Variants in DOCK5 observed in about 807,000 individuals in gnomAD.
The protein encoded by DOCK5 is dedicator of cytokinesis 5.
DOCK5 carries 142 observed loss-of-function variants against 251.8 expected under a neutral mutation model. The ratio of observed to expected loss-of-function variants is 0.56; its 90% CI spans 0.49 to 0.65. The LOEUF is 0.65. DOCK5 is among the 30% of genes least tolerant of loss of function. The pLI, the probability that DOCK5 is intolerant of heterozygous loss-of-function variation, is 0.00. For missense variants in DOCK5, 2,111 were observed against 2,312.3 expected, an observed-to-expected ratio of 0.91 and a Z score of 1.79; for synonymous variants, 842 against 835.5, an observed-to-expected ratio of 1.01 and a Z score of -0.13.
chr8:25,344,872 G>A (rs1173318193), intron 25 of DOCK5, among the ~76,000 whole-genome samples: 5 of 152,206 alleles, frequency 3.3e-5, no homozygotes, highest in South Asian at 2.1e-4. Flanking sequence ...GTGTGATCAC[G>A]GTTAACAGTC....
chr8:25,263,138 C>A (rs1330858946), intron 2 of DOCK5, among the ~76,000 whole-genome samples: 1 of 151,838 alleles, frequency 6.6e-6, no homozygotes, highest in Admixed American at 6.5e-5. Context: ...TATTGACTGC[C>A]TTTTAATATG....
chr8:25,364,647 T>A lies in DOCK5; in HGVS notation c.3066T>A (p.Asn1022Lys). ...TQNRVFLRAI[N>K]QFAEVLTRFF... The stretch of plus-strand genomic sequence containing the variant: ...GCAGGGTTTTTCTCCGTGCTATAAA[T>A]CAGTTTGCTGAAGTTCTCACAAGAT... Residue 1022 changes from asparagine to lysine, a missense_variant, in exon 30 of 52, where the codon AAT becomes AAA. This residue lies in a region of DOCK5 where 1,717 missense variants were observed against 1,892.4 expected (regional missense o/e 0.91). Transcript: ENST00000276440. 6.2e-7 allele frequency: 1 copy of A among 1,601,690 alleles called. No individual in the cohort carries two copies. The highest frequency in any genetic ancestry group is 8.5e-7 in the Non-Finnish European group (1 of 1,172,760).
At chr8:25,262,268 G>C (rs1357982480) in intron 2 of DOCK5, among the ~76,000 whole-genome samples, 1 of 150,874 alleles carries the variant, frequency 6.6e-6, no homozygotes, top group Non-Finnish European at 1.5e-5. Flanking sequence ...GTATTTCACT[G>C]TCTTTTTTTT....
intron 17 of DOCK5, among the ~76,000 whole-genome samples, chr8:25,324,248 G>A (rs1200515612): frequency 6.6e-6 from 1 of 152,074 alleles, no homozygotes; most frequent in African/African-American, 2.4e-5. Flanking sequence ...GTAAGGGGTC[G>A]GCCTCTCATG....
intron 20 of DOCK5, among the ~76,000 whole-genome samples, chr8:25,333,639 A>G (rs1239262506): frequency 6.6e-6 from 1 of 152,190 alleles, no homozygotes; most frequent in African/African-American, 2.4e-5. Context: ...GCAGTGCAAG[A>G]GAATATACAA....
chr8:25,300,134 G>A (rs1455434742), intron 8 of DOCK5, among the ~76,000 whole-genome samples: 2 of 152,200 alleles, frequency 1.3e-5, no homozygotes, highest in African/African-American at 4.8e-5. Context: ...TTGAACTCCT[G>A]ACCTCAGGCG....
At chr8:25,401,542 G>A (rs1156730818) in intron 47 of DOCK5, among the ~76,000 whole-genome samples, 5 of 152,108 alleles carry the variant, frequency 3.3e-5, no homozygotes, top group Non-Finnish European at 7.3e-5. Context: ...AGACCAGCCT[G>A]GCCAACATGG....
intron 28 of DOCK5, among the ~76,000 whole-genome samples, chr8:25,361,037 G>A (rs1800669412): frequency 6.6e-6 from 1 of 152,140 alleles, no homozygotes; most frequent in African/African-American, 2.4e-5. Context: ...TGCACAGCTA[G>A]GCCTTTGCCT....
intron 1 of DOCK5, among the ~76,000 whole-genome samples, 185 bp downstream of exon 1, chr8:25,185,136 G>C (rs950535487): frequency 1.3e-5 from 2 of 152,132 alleles, no homozygotes; most frequent in East Asian, 1.9e-4. Context: ...AAGTCGCCCA[G>C]GGTTTGGGGA....
chr8:25,376,152 G>C, intron 37 of DOCK5: 1 of 983,584 alleles, frequency 1.0e-6, no homozygotes, highest in Non-Finnish European at 1.2e-6. Context: ...AGAAAGTGAG[G>C]CTTGTTGACT....
chr8:25,191,819 G>A (rs1040191006), intron 1 of DOCK5, among the ~76,000 whole-genome samples: 7 of 151,610 alleles, frequency 4.6e-5, no homozygotes, highest in African/African-American at 1.2e-4. Flanking sequence ...TGTGCACAAC[G>A]TGCAGTTTTG....
chr8:25,200,623 A>G (rs1801858507), intron 1 of DOCK5, among the ~76,000 whole-genome samples: 1 of 152,240 alleles, frequency 6.6e-6, no homozygotes, highest in Admixed American at 6.5e-5. Flanking sequence ...AAACAGTGGA[A>G]GCTCTTAGAA....
chr8:25,365,545 G>T (rs1800761139), intron 30 of DOCK5, among the ~76,000 whole-genome samples: 2 of 152,212 alleles, frequency 1.3e-5, no homozygotes, highest in Admixed American at 6.5e-5. Flanking sequence ...AAGAGCACTG[G>T]TTACAGAATT....
intron 40 of DOCK5, among the ~76,000 whole-genome samples, chr8:25,384,507 T>G (rs1239784640): frequency 1.3e-5 from 2 of 148,750 alleles, no homozygotes; most frequent in African/African-American, 4.9e-5. Context: ...TCACCCAGGA[T>G]GAAGTGCAGT....
At chr8:25,348,793 A>G (rs1387508747) in intron 26 of DOCK5, among the ~76,000 whole-genome samples, 9 of 151,382 alleles carry the variant, frequency 5.9e-5, no homozygotes, top group African/African-American at 1.9e-4. Context: ...AGCCAAGATC[A>G]CACCACTGCA....
chr8:25,283,036 G>A (rs1804241957), intron 5 of DOCK5, among the ~76,000 whole-genome samples: 1 of 152,086 alleles, frequency 6.6e-6, no homozygotes, highest in Admixed American at 6.6e-5. Flanking sequence ...CAGCCATGTA[G>A]ACGCTGGTGA....
At chr8:25,386,353 G>A (rs1310078710) in intron 40 of DOCK5, among the ~76,000 whole-genome samples, 3 of 152,196 alleles carry the variant, frequency 2.0e-5, no homozygotes, top group South Asian at 2.1e-4. Flanking sequence ...GGCCAAGGCA[G>A]GAGTCTTGCT....
rs781581013 is a variant in DOCK5, at chr8:25,341,741, G to T, written c.2442G>T (p.Gly814=). The part of the protein sequence containing the change: ...RPLEEAVKIK[G]AALKYLPSII... ...TGCCTTTGGTGTTTTTCTTACAGGG[G>T]GCAGCTTTGAAGTACCTTCCTAGCA... The change falls in exon 24 of 52, where the codon GGG becomes GGT. Residue 814 remains glycine, a splice_region_variant and synonymous_variant. Transcript: ENST00000276440. The T allele has an allele frequency of 3.2e-6, 5 of 1,575,766 alleles. No homozygotes were observed. The highest frequency in any genetic ancestry group is 1.8e-5 in the Admixed American group (1 of 54,096).
intron 28 of DOCK5, among the ~76,000 whole-genome samples, chr8:25,361,544 G>A (rs1800679710): frequency 6.6e-6 from 1 of 152,184 alleles, no homozygotes; most frequent in African/African-American, 2.4e-5. Context: ...AACCCGTGAG[G>A]TGGAGGTTGC....
Sources: gnomAD v4.1 joint callset for allele counts (sites outside exome capture counted in the v4.1 genomes callset) on GRCh38, gnomAD v4.1.1 for gene constraint, gnomAD v4.1.1 regional missense constraint, MANE v1.5 for transcripts, NCBI Gene and HGNC (gene_info 2026-07-23, HGNC 2026-07-21) for gene names.